THRB: variants seen among roughly 807,000 people sequenced by gnomAD.
The protein encoded by THRB is nuclear receptor subfamily 1 group A member 2.
A neutral mutation model predicts 47.8 loss-of-function variants in THRB; 12 were observed. That is an observed-to-expected ratio of 0.25 (90% CI 0.16 to 0.41). The LOEUF (loss-of-function observed/expected upper bound fraction) is 0.41. Among genes scored for constraint, THRB ranks in the 10% least tolerant of loss-of-function variants. The probability of loss-of-function intolerance (pLI) is 1.00; values close to 1 mark genes in which losing one functional copy is unlikely to be tolerated. For missense variants in THRB, 348 were observed against 589.2 expected, an observed-to-expected ratio of 0.59 and a Z score of 4.24; for synonymous variants, 218 against 212.2, an observed-to-expected ratio of 1.03 and a Z score of -0.24.
chr3:24,277,079 T>A (rs2053995061), intron 3 of THRB, among the ~76,000 whole-genome samples: 1 of 152,190 alleles, frequency 6.6e-6, no homozygotes, highest in African/African-American at 2.4e-5. Flanking sequence ...CTGGTAACAA[T>A]CGTAGCTGTC....
intron 1 of THRB, among the ~76,000 whole-genome samples, chr3:24,425,677 C>A (rs1424204355): frequency 6.6e-6 from 1 of 151,870 alleles, no homozygotes; most frequent in African/African-American, 2.4e-5. Context: ...AAAATTTAGT[C>A]CTTCTCTGAT....
chr3:24,149,880 A>G (rs1442587257), intron 6 of THRB, among the ~76,000 whole-genome samples: 1 of 152,238 alleles, frequency 6.6e-6, no homozygotes, highest in Non-Finnish European at 1.5e-5. Context: ...GCAATAAATA[A>G]GGACATATAT....
chr3:24,440,748 G>C (rs981808700), intron 1 of THRB, among the ~76,000 whole-genome samples: 3 of 152,142 alleles, frequency 2.0e-5, no homozygotes, highest in Non-Finnish European at 4.4e-5. Context: ...GGGTGAAAGG[G>C]ATGATGACTG....
chr3:24,275,891 T>A (rs950591842), intron 3 of THRB, among the ~76,000 whole-genome samples: 22 of 152,164 alleles, frequency 1.4e-4, no homozygotes, highest in African/African-American at 5.3e-4. Context: ...ATTTCAAATA[T>A]GCCCCCTCCA....
rs563276499 is a variant in THRB at position 24,185,540 on chromosome 3, G to T, written c.283+4534C>A. 2.0e-5 allele frequency among the ~76,000 whole-genome samples: 3 copies of T among 152,210 alleles called. No individual in the cohort carries two copies. The East Asian group carries it at 5.8e-4, about 29-fold the overall frequency. On this transcript the variant is annotated intron_variant, in intron 5 of 10. Coordinates refer to ENST00000646209, the MANE Select transcript of THRB (RefSeq NM_001354712.2). ...TTAACTGATTCCCTCTTGCCTTCCT[G>T]GGTATCTGAGAATCAGTTTTAAAAA...
intron 1 of THRB, among the ~76,000 whole-genome samples, chr3:24,361,506 A>C (rs2064063888): frequency 6.6e-6 from 1 of 152,162 alleles, no homozygotes; most frequent in Non-Finnish European, 1.5e-5. Context: ...GGCATTTGGA[A>C]ATTCTGGGAA....
intron 3 of THRB, among the ~76,000 whole-genome samples, chr3:24,271,927 A>G (rs577481470): frequency 1.3e-5 from 2 of 152,302 alleles, no homozygotes; most frequent in Admixed American, 1.3e-4. Flanking sequence ...TCCTAAGTTA[A>G]TATTTGATTA....
At position 24,426,770 on chromosome 3, in the gene THRB, A is replaced by G. The variant is rs571236072; in HGVS notation, c.-261+67882T>C. On this transcript the variant is annotated intron_variant, in intron 1 of 10. Transcript: ENST00000646209. ...ATCATAATTAATGCAAAAGATAATT[A>G]AAAGAATCTCTCAGCATTTTGGTCA... 5.2e-4 allele frequency among the ~76,000 whole-genome samples: 79 copies of G among 152,110 alleles called. No homozygotes were observed. In the South Asian group the frequency reaches 0.015, roughly 30 times the overall value.
chr3:24,475,373 C>T (rs977685116), intron 1 of THRB, among the ~76,000 whole-genome samples: 2 of 152,002 alleles, frequency 1.3e-5, no homozygotes, highest in Non-Finnish European at 2.9e-5. Context: ...GTTACAAGTG[C>T]TACCATTTGC....
intron 8 of THRB, among the ~76,000 whole-genome samples, chr3:24,137,684 T>C (rs958888827): frequency 6.6e-6 from 1 of 152,154 alleles, no homozygotes; most frequent in African/African-American, 2.4e-5. Flanking sequence ...ATGCTAGGCA[T>C]TGTAGACCAT....
At chr3:24,372,419 C>T (rs567654817) in intron 1 of THRB, among the ~76,000 whole-genome samples, 1 of 152,160 alleles carries the variant, frequency 6.6e-6, no homozygotes, top group Admixed American at 6.6e-5. Flanking sequence ...TATCTATCAC[C>T]ATGTCCTGGA....
intron 5 of THRB, among the ~76,000 whole-genome samples, chr3:24,164,490 GATAA>G (rs2039351622): frequency 6.6e-6 from 1 of 152,012 alleles, no homozygotes; most frequent in Non-Finnish European, 1.5e-5. Context: ...TGTTTACATG[GATAA>G]ATAAATACAT....
chr3:24,163,151 C>T (rs2039129086), intron 5 of THRB, among the ~76,000 whole-genome samples: 1 of 152,138 alleles, frequency 6.6e-6, no homozygotes, highest in Non-Finnish European at 1.5e-5. Context: ...ATGTTGGGTA[C>T]AACCTTTTGT....
At chr3:24,179,042 A>AAT (rs2041550617) in intron 5 of THRB, among the ~76,000 whole-genome samples, 1 of 152,202 alleles carries the variant, frequency 6.6e-6, no homozygotes, top group South Asian at 2.1e-4. Flanking sequence ...TAAATAAATA[A>AAT]AATGAATGAT....
At chr3:24,458,556 A>G (rs981357714) in intron 1 of THRB, 1 of 152,200 alleles carries the variant, frequency 6.6e-6, no homozygotes, top group African/African-American at 2.4e-5. Context: ...TGCACTGGTT[A>G]CTAACAATTT....
At chr3:24,237,406 A>C (rs926736988) in intron 3 of THRB, among the ~76,000 whole-genome samples, 3 of 152,172 alleles carry the variant, frequency 2.0e-5, no homozygotes. Flanking sequence ...TTTTATTCTT[A>C]GTAAAATAAT....
At chr3:24,454,212 A>G (rs1358310965) in intron 1 of THRB, among the ~76,000 whole-genome samples, 4 of 152,244 alleles carry the variant, frequency 2.6e-5, no homozygotes, top group African/African-American at 9.6e-5. Context: ...TATGACATGG[A>G]TAACCTTTGA....
At chr3:24,280,913 G>A (rs1488939291) in intron 3 of THRB, among the ~76,000 whole-genome samples, 1 of 143,548 alleles carries the variant, frequency 7.0e-6, no homozygotes, top group Non-Finnish European at 1.5e-5. Context: ...AATGAACAAA[G>A]CCTCCAAGAA....
At position 24,198,806 on chromosome 3, in the gene THRB, T is replaced by A. The variant is rs938080148; in HGVS notation, c.23-8472A>T. Among the ~76,000 whole-genome samples, 5 of 152,264 alleles carry A rather than the reference T, an allele frequency of 3.3e-5. No homozygotes were observed. The South Asian group carries it at 6.2e-4, about 19-fold the overall frequency. On this transcript the variant is annotated intron_variant, in intron 4 of 10. Coordinates refer to ENST00000646209, the MANE Select transcript of THRB (RefSeq NM_001354712.2). ...GATCCTACTTTGGTATTCTCAACAA[T>A]TTAAGCCTGCAAAATGGAGTGAAAT...
Sources: gnomAD v4.1 joint callset for allele counts (sites outside exome capture counted in the v4.1 genomes callset) on GRCh38, gnomAD v4.1.1 for gene constraint, MANE v1.5 for transcripts, NCBI Gene and HGNC (gene_info 2026-07-23, HGNC 2026-07-21) for gene names.